The following ZNF804B variants were observed in gnomAD, a reference collection of about 807,000 sequenced individuals.
ZNF804B encodes zinc finger 804B.
A neutral mutation model predicts 101.4 loss-of-function variants in ZNF804B; 80 were observed. The ratio of observed to expected loss-of-function variants is 0.79; its 90% CI spans 0.66 to 0.95. The LOEUF is 0.95. ZNF804B is among the 40% of genes least tolerant of loss of function. The pLI is 0.00. For synonymous variants in ZNF804B, 622 were observed against 558.8 expected, an observed-to-expected ratio of 1.11 and a Z score of -1.59; for missense variants, 1,673 against 1,561.9, an observed-to-expected ratio of 1.07 and a Z score of -1.20.
chr7:88,953,403 CCTAT>C, intron 1 of ZNF804B, among the ~76,000 whole-genome samples: 1 of 151,864 alleles, frequency 6.6e-6, no homozygotes, highest in Middle Eastern at 3.4e-3. Context: ...CCAGTTAACA[CCTAT>C]CTTTTTGTTT....
At chr7:89,217,132 G>T (rs760609652) in intron 1 of ZNF804B, among the ~76,000 whole-genome samples, 7 of 152,132 alleles carry the variant, frequency 4.6e-5, no homozygotes, top group Non-Finnish European at 1.0e-4. Context: ...GGAATAAATA[G>T]ACATGAAAAC....
At chr7:88,833,207 A>C (rs1791158848) in intron 1 of ZNF804B, among the ~76,000 whole-genome samples, 4 of 151,302 alleles carry the variant, frequency 2.6e-5, no homozygotes, top group African/African-American at 9.7e-5. Context: ...GACATTAATC[A>C]GTTTCAAGGA....
chr7:89,147,016 C>A (rs750223914), intron 1 of ZNF804B, among the ~76,000 whole-genome samples: 8 of 150,068 alleles, frequency 5.3e-5, no homozygotes, highest in Non-Finnish European at 7.4e-5. Flanking sequence ...TGCAGTGAGA[C>A]CCTGTCTCAA....
chr7:89,091,347 C>A (rs933472666), intron 1 of ZNF804B, among the ~76,000 whole-genome samples: 3 of 152,032 alleles, frequency 2.0e-5, no homozygotes, highest in Admixed American at 2.0e-4. Flanking sequence ...GCCAAGTCAG[C>A]AACAGAAACA....
At chr7:89,045,606 A>G (rs1789092713) in intron 1 of ZNF804B, among the ~76,000 whole-genome samples, 1 of 152,320 alleles carries the variant, frequency 6.6e-6, no homozygotes, top group Admixed American at 6.5e-5. Flanking sequence ...GAGTCCAAGG[A>G]GATCATTTTG....
chr7:88,956,159 C>A (rs1162992417), intron 1 of ZNF804B, among the ~76,000 whole-genome samples: 1 of 151,436 alleles, frequency 6.6e-6, no homozygotes, highest in Non-Finnish European at 1.5e-5. Flanking sequence ...GTACAGTCAT[C>A]TTGGAAAACA....
intron 1 of ZNF804B, among the ~76,000 whole-genome samples, chr7:88,793,761 C>T (rs933774821): frequency 6.6e-6 from 1 of 152,066 alleles, no homozygotes; most frequent in Non-Finnish European, 1.5e-5. Flanking sequence ...GCAAGCAACT[C>T]AAGGGTGGGA....
At chr7:88,829,852 T>A (rs1791105687) in intron 1 of ZNF804B, among the ~76,000 whole-genome samples, 2 of 152,172 alleles carry the variant, frequency 1.3e-5, no homozygotes, top group Non-Finnish European at 2.9e-5. Context: ...TCTGAATATT[T>A]GTGATTGTAC....
At chr7:89,243,070 A>G (rs902464737) in intron 2 of ZNF804B, among the ~76,000 whole-genome samples, 3 of 151,858 alleles carry the variant, frequency 2.0e-5, no homozygotes, top group African/African-American at 7.2e-5. Context: ...TTTACAAAAT[A>G]CAATCTGATA....
chr7:89,286,543 C>T (rs1230276213), intron 2 of ZNF804B, among the ~76,000 whole-genome samples: 2 of 152,098 alleles, frequency 1.3e-5, no homozygotes, highest in African/African-American at 2.4e-5. Context: ...TGGCAAAATA[C>T]GGAGTCGGTG....
chr7:88,910,417 TTAAG>T (rs564248651), intron 1 of ZNF804B, among the ~76,000 whole-genome samples: 165 of 152,022 alleles, frequency 1.1e-3, no homozygotes, highest in African/African-American at 3.8e-3. Flanking sequence ...AGAAAGGTAA[TTAAG>T]TGTCTATTAG....
chr7:89,039,651 C>CT lies in ZNF804B; in HGVS notation c.109-178494dup, dbSNP rs66747843. Among the ~76,000 whole-genome samples, 182 of 149,606 alleles carry CT rather than the reference C, an allele frequency of 1.2e-3. 1 individual carries two copies. In the East Asian group the frequency reaches 0.023, roughly 18 times the overall value. Reference sequence around the variant, plus strand: ...AATTTATTTTTTTCTCTTCAAGTGTCTTTTTTTTTTCTTGTAGGCACTATC... The same window carrying CT: ...AATTTATTTTTTTCTCTTCAAGTGTCTTTTTTTTTTTCTTGTAGGCACTATC... On this transcript the variant is annotated intron_variant, in intron 1 of 3. Transcript: ENST00000333190.
intron 1 of ZNF804B, among the ~76,000 whole-genome samples, chr7:89,022,169 C>T (rs181011106): frequency 2.6e-5 from 4 of 152,182 alleles, no homozygotes; most frequent in East Asian, 1.9e-4. Context: ...TCCTGGACTT[C>T]GGAGCACCAC....
At chr7:89,134,971 T>C (rs6944873) in intron 1 of ZNF804B, among the ~76,000 whole-genome samples, 77,519 of 151,812 alleles carry the variant, frequency 0.51, 20,177 homozygotes, top group East Asian at 0.65. Context: ...CAATAAATAT[T>C]TCAGTGGTGG....
rs187850522 is a variant in ZNF804B at position 89,270,477 on chromosome 7, T to C, written c.249+52182T>C. On this transcript the variant is annotated intron_variant, in intron 2 of 3. Coordinates refer to ENST00000333190, the MANE Select transcript of ZNF804B (RefSeq NM_181646.5). ...TGTTTTGGTTACTGTAGCCTTGTAG[T>C]ATAGTTTGAAGTCAGGTAGTCTGAT... Among the ~76,000 whole-genome samples, 436 of 152,250 alleles carry C rather than the reference T, an allele frequency of 2.9e-3. 1 individual carries two copies. The highest frequency in any genetic ancestry group is 9.1e-3 in the African/African-American group (380 of 41,554).
At chr7:88,847,181 T>A (rs969410972) in intron 1 of ZNF804B, among the ~76,000 whole-genome samples, 1 of 151,928 alleles carries the variant, frequency 6.6e-6, no homozygotes, top group Non-Finnish European at 1.5e-5. Context: ...TTAATATATA[T>A]CAATGAAGTG....
intron 1 of ZNF804B, among the ~76,000 whole-genome samples, chr7:89,123,141 C>T (rs1487179297): frequency 1.5e-5 from 2 of 134,028 alleles, no homozygotes; most frequent in Non-Finnish European, 3.1e-5. Flanking sequence ...ATTCTGAGCC[C>T]CAGGACCAAG....
intron 2 of ZNF804B, among the ~76,000 whole-genome samples, chr7:89,235,504 A>G (rs778889774): frequency 6.6e-6 from 1 of 152,234 alleles, no homozygotes; most frequent in East Asian, 1.9e-4. Flanking sequence ...TTCAAACACA[A>G]TTAAGGAAAC....
chr7:88,789,470 T>C (rs1015960789), intron 1 of ZNF804B, among the ~76,000 whole-genome samples: 3 of 152,098 alleles, frequency 2.0e-5, no homozygotes, highest in East Asian at 3.9e-4. Context: ...CCTTTTACCA[T>C]TGGCAAAACA....
Sources: gnomAD v4.1 joint callset for allele counts (sites outside exome capture counted in the v4.1 genomes callset) on GRCh38, gnomAD v4.1.1 for gene constraint, MANE v1.5 for transcripts, NCBI Gene and HGNC (gene_info 2026-07-23, HGNC 2026-07-21) for gene names.